Variants in PPARGC1A observed in about 807,000 individuals in gnomAD.
PPARGC1A encodes the protein PPARG coactivator 1 alpha, also known as peroxisome proliferator-activated receptor gamma coactivator 1-alpha.
Under a neutral mutation model 88.7 loss-of-function variants are expected in PPARGC1A, and 25 were observed. The observed-to-expected ratio is 0.28, with a 90% CI of 0.21 to 0.39. PPARGC1A has a LOEUF of 0.39. PPARGC1A is among the 10% of genes least tolerant of loss of function. The probability of loss-of-function intolerance (pLI) is 1.00; values close to 1 mark genes in which losing one functional copy is unlikely to be tolerated. For synonymous variants in PPARGC1A, 363 were observed against 355.6 expected, an observed-to-expected ratio of 1.02 and a Z score of -0.24; for missense variants, 880 against 968.7, an observed-to-expected ratio of 0.91 and a Z score of 1.22.
chr4:23,910,262 A>AGGG, the PPARGC1A span, among the ~76,000 whole-genome samples: 4 of 90,466 alleles, frequency 4.4e-5, no homozygotes, highest in South Asian at 7.9e-4. Context: ...TATTATATAT[A>AGGG]TTAATATATA....
intron 3 of PPARGC1A, among the ~76,000 whole-genome samples, chr4:23,830,412 C>A (rs193166119): frequency 2.3e-4 from 35 of 152,204 alleles, no homozygotes; most frequent in Admixed American, 6.5e-4. Flanking sequence ...AACTGCTCTT[C>A]CCAAATGAAC....
At chr4:24,210,871 C>A in the PPARGC1A span, among the ~76,000 whole-genome samples, 2 of 152,212 alleles carry the variant, frequency 1.3e-5, no homozygotes, top group South Asian at 4.1e-4. Context: ...CAGTGGGAGC[C>A]TAGGAGATGC....
At chr4:24,383,501 A>G in the PPARGC1A span, among the ~76,000 whole-genome samples, 1 of 152,196 alleles carries the variant, frequency 6.6e-6, no homozygotes, top group Non-Finnish European at 1.5e-5. Flanking sequence ...GGAATCACTA[A>G]CTAGAATAAC....
intron 7 of PPARGC1A, among the ~76,000 whole-genome samples, chr4:23,818,666 C>G (rs886802502): frequency 6.6e-6 from 1 of 151,636 alleles, no homozygotes; most frequent in Non-Finnish European, 1.5e-5. Flanking sequence ...TTTAAACAGC[C>G]CTTTTATTTA....
At chr4:24,390,020 T>C in the PPARGC1A span, among the ~76,000 whole-genome samples, 4 of 152,156 alleles carry the variant, frequency 2.6e-5, no homozygotes, top group African/African-American at 9.7e-5. Context: ...TTTAATGGTA[T>C]AGTAAAACTT....
the PPARGC1A span, among the ~76,000 whole-genome samples, chr4:24,448,462 T>C: frequency 6.6e-5 from 10 of 152,334 alleles, no homozygotes; most frequent in Non-Finnish European, 1.0e-4. Context: ...GCTGTCAGAG[T>C]GATCTTTGAA....
At chr4:24,287,495 T>C in the PPARGC1A span, among the ~76,000 whole-genome samples, 1 of 152,126 alleles carries the variant, frequency 6.6e-6, no homozygotes, top group Non-Finnish European at 1.5e-5. Context: ...ATGAATAAGG[T>C]TATTTTGTCC....
At chr4:23,886,036 T>A (rs1035279376) in intron 1 of PPARGC1A, among the ~76,000 whole-genome samples, 1 of 152,166 alleles carries the variant, frequency 6.6e-6, no homozygotes, top group Non-Finnish European at 1.5e-5. Flanking sequence ...TAACCGCTAA[T>A]GTCAGTCCGC....
chr4:23,801,190 A>AAC (rs34293917), intron 12 of PPARGC1A, among the ~76,000 whole-genome samples: 1,879 of 150,010 alleles, frequency 0.013, 16 homozygotes, highest in Non-Finnish European at 0.015. Flanking sequence ...TCAGGTTACA[A>AAC]ACACACACAC....
the PPARGC1A span, among the ~76,000 whole-genome samples, chr4:24,228,559 G>A: frequency 1.3e-5 from 2 of 152,072 alleles, no homozygotes; most frequent in African/African-American, 2.4e-5. Context: ...TCGGTACGTG[G>A]GTGACAGGAT....
At chr4:24,036,583 T>C in the PPARGC1A span, among the ~76,000 whole-genome samples, 1 of 151,180 alleles carries the variant, frequency 6.6e-6, no homozygotes, top group Non-Finnish European at 1.5e-5. Flanking sequence ...CAAATATATG[T>C]AAGAACATAG....
chr4:24,261,998 C>T, the PPARGC1A span, among the ~76,000 whole-genome samples: 1 of 152,176 alleles, frequency 6.6e-6, no homozygotes. Context: ...TCAACAGACC[C>T]ATACTTAGGA....
At chr4:24,377,724 A>T in the PPARGC1A span, among the ~76,000 whole-genome samples, 3 of 152,206 alleles carry the variant, frequency 2.0e-5, no homozygotes, top group Non-Finnish European at 4.4e-5. Flanking sequence ...TGTCAGTAAT[A>T]GGTATGTAAT....
chr4:24,412,399 A>G, the PPARGC1A span, among the ~76,000 whole-genome samples: 1 of 152,240 alleles, frequency 6.6e-6, no homozygotes, highest in African/African-American at 2.4e-5. Context: ...TTAGGGGGAA[A>G]AAAAACAAAA....
chr4:24,272,584 A>AT, the PPARGC1A span, among the ~76,000 whole-genome samples: 1 of 152,212 alleles, frequency 6.6e-6, no homozygotes, highest in East Asian at 1.9e-4. Context: ...AGAATTACCC[A>AT]TTTCCACCCC....
intron 10 of PPARGC1A, among the ~76,000 whole-genome samples, chr4:23,804,239 T>C (rs915583510): frequency 2.0e-5 from 3 of 152,190 alleles, no homozygotes; most frequent in African/African-American, 4.8e-5. Context: ...AATGTTCTTG[T>C]ATTAGTGAAA....
the PPARGC1A span, among the ~76,000 whole-genome samples, chr4:24,168,824 A>C: frequency 6.6e-6 from 1 of 152,264 alleles, no homozygotes; most frequent in African/African-American, 2.4e-5. Flanking sequence ...CGATTGAATA[A>C]ATAAGTGAAT....
chr4:23,821,315 T>C (rs929469806), intron 7 of PPARGC1A, among the ~76,000 whole-genome samples: 1 of 152,140 alleles, frequency 6.6e-6, no homozygotes, highest in African/African-American at 2.4e-5. Flanking sequence ...AGATACTGTA[T>C]GTGAAGTACC....
chr4:24,039,853 A>G, the PPARGC1A span, among the ~76,000 whole-genome samples: 1 of 152,022 alleles, frequency 6.6e-6, no homozygotes, highest in African/African-American at 2.4e-5. Context: ...TGCCACCACC[A>G]CCACCACCAT....
Sources: allele counts gnomAD v4.1 joint callset (sites outside exome capture counted in the v4.1 genomes callset), GRCh38; gene constraint gnomAD v4.1.1; transcripts MANE v1.5; gene names NCBI Gene and HGNC (gene_info 2026-07-23, HGNC 2026-07-21).